Variants in DPPA2 observed in about 807,000 individuals in gnomAD.
DPPA2 encodes the protein developmental pluripotency-associated protein 2.
DPPA2 carries 26 observed loss-of-function variants against 36.2 expected under a neutral mutation model. That is an observed-to-expected ratio of 0.72 (90% CI 0.53 to 1.00). DPPA2 has a LOEUF of 1.00. Ranked by LOEUF, DPPA2 falls within the 50% of genes least tolerant of loss-of-function variation. The probability of loss-of-function intolerance (pLI) is 0.00; values close to 1 mark genes in which losing one functional copy is unlikely to be tolerated. For missense variants in DPPA2, 361 were observed against 365.1 expected (o/e 0.99, Z 0.09); for synonymous variants, 113 against 123.2 (o/e 0.92, Z 0.55).
At position 109,304,529 on chromosome 3, in the gene DPPA2, A is replaced by G. The variant is rs889952702; in HGVS notation, c.800T>C (p.Ile267Thr). 5.0e-6 allele frequency: 8 copies of G among 1,614,002 alleles called. No individual in the cohort carries two copies. The highest frequency in any genetic ancestry group is 5.1e-6 in the Non-Finnish European group (6 of 1,180,018). The change falls in exon 7 of 9, where the codon ATT (isoleucine) becomes ACT (threonine). Residue 267 changes from isoleucine (I) to threonine (T), a missense_variant. Physicochemically the swap from Ile to Thr is moderately conservative, Grantham distance 89 (BLOSUM62 -1). Coordinates refer to ENST00000478945, the MANE Select transcript of DPPA2 (RefSeq NM_138815.4). ...MISLFLLPACIFPSPGIEDNM... is the reference protein window; with the variant it reads ...MISLFLLPACTFPSPGIEDNM... ...ATCTTCTATGCCTGGGGATGGGAAA[A>G]TGCAGGCAGGTAACAAGAAGAGAGA... is the stretch of plus-strand genomic sequence containing the variant.
At chr3:109,306,623 A>G (rs1707570202) in intron 6 of DPPA2, among the ~76,000 whole-genome samples, 1 of 152,008 alleles carries the variant, frequency 6.6e-6, no homozygotes, top group African/African-American at 2.4e-5. Flanking sequence ...CAATAGCAAG[A>G]AAAGAAGAGC....
rs756206545 is a variant in DPPA2, at chr3:109,309,156, C to T, written c.342+14G>A. The stretch of plus-strand genomic sequence containing the variant: ...ATTATTCCCAGCAGCAGATATTCAC[C>T]CAAGTGTACTAACCTTGCCATTAGT... On this transcript the variant is annotated intron_variant, in intron 4 of 8. Coordinates refer to ENST00000478945, the MANE Select transcript of DPPA2 (RefSeq NM_138815.4). 4.6e-5 allele frequency: 75 copies of T among 1,613,948 alleles called. No individual in the cohort carries two copies. The Admixed American group carries it at 1.3e-3, about 27-fold the overall frequency.
chr3:109,315,682 C>G (rs1381531752), intron 1 of DPPA2, among the ~76,000 whole-genome samples: 3 of 152,106 alleles, frequency 2.0e-5, no homozygotes, highest in East Asian at 3.8e-4. Flanking sequence ...TCTCAGGACC[C>G]AGGGTGACCA....
chr3:109,314,659 A>C, intron 1 of DPPA2, 104 bp from the exon 2 acceptor site: 1 of 1,086,212 alleles, frequency 9.2e-7, no homozygotes. Context: ...CCTGTTACCC[A>C]GATGAGCTCT....
At chr3:109,313,652 G>T (rs1482901783) in intron 2 of DPPA2, among the ~76,000 whole-genome samples, 1 of 152,132 alleles carries the variant, frequency 6.6e-6, no homozygotes, top group Non-Finnish European at 1.5e-5. Flanking sequence ...CTTGAGTATG[G>T]TTCTGAAGTT....
rs1471295552 is a variant in DPPA2 at position 109,316,299 on chromosome 3, A to T, written c.-29T>A. ...GAGAGGAGACCTGGGATGGAAGGAG[A>T]TTGCGGGGACGGAGAGGATGTGGGT... On this transcript the variant is annotated 5_prime_UTR_variant, in exon 1 of 9. Coordinates refer to ENST00000478945, the MANE Select transcript of DPPA2 (RefSeq NM_138815.4). 6.6e-6 allele frequency: 1 copy of T among 152,004 alleles called. No homozygotes were observed. Among genetic ancestry groups the T allele is most frequent in the Non-Finnish European group, 1.5e-5 (1 of 68,404 alleles). 9.4% of individuals were successfully genotyped at this position (152,004 alleles called of 1,614,324 possible). A position where few individuals can be genotyped will look rare whatever the true frequency, so the allele number is the denominator to read the frequency against.
intron 3 of DPPA2, among the ~76,000 whole-genome samples, chr3:109,310,715 A>G (rs571893590): frequency 2.0e-5 from 3 of 150,962 alleles, no homozygotes; most frequent in South Asian, 4.2e-4. Context: ...TATGTTGGCC[A>G]GGCTGGTCTC....
At position 109,306,347 on chromosome 3, in the gene DPPA2, C is replaced by A. The variant is rs9868613; in HGVS notation, c.659-1677G>T. On this transcript the variant is annotated intron_variant, in intron 6 of 8. Transcript: ENST00000478945. Reference sequence around the variant, plus strand: ...CCAGGCACACAGCTTTATGGCTGGACAATGCCTTTGCACAAATTATTAAAA... The same window carrying A: ...CCAGGCACACAGCTTTATGGCTGGAAAATGCCTTTGCACAAATTATTAAAA... 5.8e-3 allele frequency among the ~76,000 whole-genome samples: 880 copies of A among 152,236 alleles called. 5 individuals are homozygous for A. Among genetic ancestry groups the A allele is most frequent in the African/African-American group, 0.02 (825 of 41,542 alleles).
At position 109,308,265 on chromosome 3, in the gene DPPA2, C is replaced by T. The variant is rs903745508; in HGVS notation, c.425G>A (p.Arg142Lys). The change falls in exon 6 of 9, where the codon AGA becomes AAA. Residue 142 changes from arginine (R) to lysine (K), a missense_variant. By Grantham distance (26) the Arg-to-Lys change is conservative (BLOSUM62 2). Transcript: ENST00000478945. ...QDMPEMSQET[R>K]LQRCSRKRKA... Reference sequence around the variant, plus strand: ...GCGTTTCCTCGAACATCGCTGTAATCTGGTCTCTTGTGACATTTCAGGCAT... The same window carrying T: ...GCGTTTCCTCGAACATCGCTGTAATTTGGTCTCTTGTGACATTTCAGGCAT... The T allele has an allele frequency of 1.9e-6, 3 of 1,614,100 alleles. No homozygotes were observed. In the African/African-American group the frequency reaches 4.0e-5, roughly 22 times the overall value.
chr3:109,296,044 G>C (rs1039575761), intron 8 of DPPA2, among the ~76,000 whole-genome samples: 1 of 152,014 alleles, frequency 6.6e-6, no homozygotes, highest in Non-Finnish European at 1.5e-5. Flanking sequence ...GAATATCCAA[G>C]AATTGCGAGG....
At chr3:109,307,131 GC>G (rs1215868880) in intron 6 of DPPA2, among the ~76,000 whole-genome samples, 1 of 151,668 alleles carries the variant, frequency 6.6e-6, no homozygotes. Flanking sequence ...ACCATGCCCG[GC>G]TTTTTTTCGT....
At chr3:109,304,792 T>A in intron 6 of DPPA2, 122 bp from the exon 7 acceptor site, 2 of 959,138 alleles carry the variant, frequency 2.1e-6, no homozygotes, top group Non-Finnish European at 3.1e-6. Flanking sequence ...ATGAGATGCA[T>A]GAAAACCTAG....
chr3:109,315,779 A>G (rs1707775487), intron 1 of DPPA2, among the ~76,000 whole-genome samples: 1 of 152,090 alleles, frequency 6.6e-6, no homozygotes. Flanking sequence ...ATCCTTTGGG[A>G]GGCCTTTGGG....
intron 5 of DPPA2, 119 bp from the exon 6 acceptor site, chr3:109,308,412 G>C (rs1707620183): frequency 3.0e-6 from 4 of 1,328,112 alleles, no homozygotes; most frequent in East Asian, 2.5e-5. Context: ...GCCCAGGCTG[G>C]AGTGCAATGG....
intron 2 of DPPA2, among the ~76,000 whole-genome samples, chr3:109,313,647 G>A (rs933394503): frequency 3.9e-5 from 6 of 152,146 alleles, no homozygotes; most frequent in Non-Finnish European, 5.9e-5. Context: ...ACAGGCTTGA[G>A]TATGGTTCTG....
In DPPA2 at chr3:109,300,821, CAAAAAAAAAAA is replaced by C; in HGVS notation, c.855-397_855-387del. ...TAGGTGACAGAGCGAGACTCAGTCT[CAAAAAAAAAAA>C]AAAAAAAAAAGAATGCACTTCTGGA... On this transcript the variant is annotated intron_variant, in intron 7 of 8. Transcript: ENST00000478945. Among the ~76,000 whole-genome samples, 2 of 68,076 alleles carry C rather than the reference CAAAAAAAAAAA, an allele frequency of 2.9e-5. 1 individual carries two copies. Among genetic ancestry groups the C allele is most frequent in the South Asian group, 1.2e-3 (2 of 1,700 alleles). The allele number at this position is 68,076 out of a possible 152,430, so 44.7% of individuals were successfully genotyped here. A position where few individuals can be genotyped will look rare whatever the true frequency, so the allele number is the denominator to read the frequency against.
chr3:109,309,966 T>A lies in DPPA2; in HGVS notation c.182-636A>T, dbSNP rs1041315881. On this transcript the variant is annotated intron_variant, in intron 3 of 8. Coordinates refer to ENST00000478945, the MANE Select transcript of DPPA2 (RefSeq NM_138815.4). ...GCATATGGCCAGGCATGGTGGCTCA[T>A]GCCTGTAATCCCAGCACTTTGGGAG... 2.7e-5 allele frequency among the ~76,000 whole-genome samples: 4 copies of A among 150,498 alleles called. No homozygotes were observed. In the East Asian group the frequency reaches 8.0e-4, roughly 30 times the overall value.
chr3:109,305,996 C>T (rs9817170), intron 6 of DPPA2, among the ~76,000 whole-genome samples: 3,730 of 151,932 alleles, frequency 0.025, 157 homozygotes, highest in African/African-American at 0.085. Flanking sequence ...ATTAAGGAGA[C>T]GGGATATTTG....
In DPPA2 at chr3:109,294,354, G is replaced by C. The variant is rs559233035; in HGVS notation, c.*23-350C>G. Among the ~76,000 whole-genome samples, 7 of 152,272 alleles carry C rather than the reference G, an allele frequency of 4.6e-5. No individual in the cohort carries two copies. In the East Asian group the frequency reaches 7.7e-4, roughly 17 times the overall value. ...CAGAAGGCAGATGCTATAGCATTTT[G>C]AGAGCCTGACTAAGCACTCAACTGG... is the stretch of plus-strand genomic sequence containing the variant. On this transcript the variant is annotated intron_variant, in intron 8 of 8. Coordinates refer to ENST00000478945, the MANE Select transcript of DPPA2 (RefSeq NM_138815.4).
Sources: gnomAD v4.1 joint callset for allele counts (sites outside exome capture counted in the v4.1 genomes callset) on GRCh38, gnomAD v4.1.1 for gene constraint, MANE v1.5 for transcripts, NCBI Gene and HGNC (gene_info 2026-07-23, HGNC 2026-07-21) for gene names.